MFHAS1: variants seen among roughly 807,000 people sequenced by gnomAD.
MFHAS1 encodes the protein malignant fibrous histiocytoma-amplified sequence 1.
Under a neutral mutation model 70.4 loss-of-function variants are expected in MFHAS1, and 50 were observed. The ratio of observed to expected loss-of-function variants is 0.71; its 90% CI spans 0.57 to 0.90. MFHAS1 has a LOEUF of 0.90. Among genes scored for constraint, MFHAS1 ranks in the 40% least tolerant of loss-of-function variants. The pLI is 0.00. For synonymous variants in MFHAS1, 952 were observed against 620.0 expected (o/e 1.54, Z -7.96); for missense variants, 1,795 against 1,347.6 (o/e 1.33, Z -5.20).
chr8:8,793,364 A>C (rs1334759775), intron 2 of MFHAS1, among the ~76,000 whole-genome samples: 1 of 152,244 alleles, frequency 6.6e-6, no homozygotes, highest in Non-Finnish European at 1.5e-5. Context: ...AGTCAAAGAC[A>C]GGCAGTTAAA....
At chr8:8,813,939 CTTTTT>C (rs902619137) in intron 1 of MFHAS1, among the ~76,000 whole-genome samples, 1 of 138,566 alleles carries the variant, frequency 7.2e-6, no homozygotes, top group Non-Finnish European at 1.6e-5. Flanking sequence ...ACATTTTTAT[CTTTTT>C]TTTTTTTTTT....
At chr8:8,803,535 A>C (rs1415502865) in intron 1 of MFHAS1, among the ~76,000 whole-genome samples, 1 of 151,408 alleles carries the variant, frequency 6.6e-6, no homozygotes, top group Admixed American at 6.6e-5. Context: ...AAAAAAAGAA[A>C]GAAAAAGAAA....
intron 1 of MFHAS1, among the ~76,000 whole-genome samples, chr8:8,867,228 G>A (rs766412401): frequency 2.0e-5 from 3 of 152,114 alleles, no homozygotes; most frequent in Non-Finnish European, 4.4e-5. Flanking sequence ...AAGTCACAAT[G>A]GTCATCAGCA....
At chr8:8,852,038 G>A (rs940299262) in intron 1 of MFHAS1, among the ~76,000 whole-genome samples, 1 of 152,160 alleles carries the variant, frequency 6.6e-6, no homozygotes, top group African/African-American at 2.4e-5. Context: ...ATAGGGAGTG[G>A]GTGGTGGAAT....
At chr8:8,887,069 G>GT (rs1809786506) in intron 1 of MFHAS1, among the ~76,000 whole-genome samples, 1 of 152,172 alleles carries the variant, frequency 6.6e-6, no homozygotes, top group South Asian at 2.1e-4. Context: ...AGAGGTTGCA[G>GT]TGAGTCAAGA....
intron 2 of MFHAS1, among the ~76,000 whole-genome samples, chr8:8,794,874 A>G (rs10105070): frequency 0.11 from 16,914 of 152,246 alleles, 1,224 homozygotes; most frequent in African/African-American, 0.2. Context: ...TTGTTCGTTC[A>G]GGTTCAATAC....
At chr8:8,834,273 A>G (rs1220018542) in intron 1 of MFHAS1, among the ~76,000 whole-genome samples, 2 of 152,346 alleles carry the variant, frequency 1.3e-5, no homozygotes, top group African/African-American at 4.8e-5. Flanking sequence ...GTGACATCAT[A>G]GCCGCCATAA....
intron 1 of MFHAS1, among the ~76,000 whole-genome samples, chr8:8,814,004 T>C (rs1469302101): frequency 6.6e-6 from 1 of 151,682 alleles, no homozygotes; most frequent in Non-Finnish European, 1.5e-5. Flanking sequence ...AGGGGCATGA[T>C]CTCGGTCACT....
chr8:8,797,560 G>A (rs1805950935), intron 1 of MFHAS1, 69 bp from the exon 2 acceptor site: 1 of 1,531,204 alleles, frequency 6.5e-7, no homozygotes. Flanking sequence ...TACAAAGACA[G>A]CACTGCCCGG....
At chr8:8,798,955 G>A (rs932918935) in intron 1 of MFHAS1, among the ~76,000 whole-genome samples, 1 of 151,992 alleles carries the variant, frequency 6.6e-6, no homozygotes, top group Non-Finnish European at 1.5e-5. Flanking sequence ...GGCTGAGGCA[G>A]GTGAATCGCT....
intron 1 of MFHAS1, among the ~76,000 whole-genome samples, chr8:8,803,270 G>C (rs1339836130): frequency 6.6e-6 from 1 of 152,106 alleles, no homozygotes; most frequent in Non-Finnish European, 1.5e-5. Flanking sequence ...CAGCACTTTG[G>C]GAGGCCGAGG....
intron 1 of MFHAS1, among the ~76,000 whole-genome samples, chr8:8,839,770 G>A (rs925264701): frequency 3.9e-5 from 6 of 151,954 alleles, no homozygotes; most frequent in East Asian, 1.9e-4. Flanking sequence ...CTTGTAACAC[G>A]AGCCCAAAGA....
intron 2 of MFHAS1, chr8:8,790,512 A>T: frequency 2.9e-6 from 1 of 350,812 alleles, no homozygotes; most frequent in Non-Finnish European, 4.0e-6. Flanking sequence ...AATTCCTCCT[A>T]GCTTGTTAAA....
intron 1 of MFHAS1, among the ~76,000 whole-genome samples, chr8:8,863,945 C>T (rs1262488824): frequency 2.6e-5 from 4 of 152,180 alleles, no homozygotes; most frequent in Non-Finnish European, 5.9e-5. Context: ...GACACCAGAC[C>T]CTTCACCCAT....
intron 1 of MFHAS1, among the ~76,000 whole-genome samples, chr8:8,854,064 G>T (rs1221252874): frequency 6.6e-6 from 1 of 152,126 alleles, no homozygotes; most frequent in Non-Finnish European, 1.5e-5. Context: ...AAAATCCTTT[G>T]TAAGTCATGG....
chr8:8,837,008 G>T (rs1807620946), intron 1 of MFHAS1, among the ~76,000 whole-genome samples: 1 of 152,160 alleles, frequency 6.6e-6, no homozygotes, highest in African/African-American at 2.4e-5. Flanking sequence ...GAGATTTTAA[G>T]CATTTTTGTA....
chr8:8,892,405 G>A lies in MFHAS1; in HGVS notation c.654C>T (p.Gly218=), dbSNP rs771051626. The change falls in exon 1 of 3, where the codon GGC becomes GGT. Residue 218 remains glycine, a synonymous_variant. Coordinates refer to ENST00000276282, the MANE Select transcript of MFHAS1 (RefSeq NM_004225.3). The surrounding 1 kb of genome is among the most constrained non-coding windows in gnomAD (Gnocchi z 4.7). ...GCAGGGCACTGATATCCTCAGGCAG[G>A]CCCCGCAGCCGGTTGCTGGACACGT... ...ELDVSSNRLR[G]LPEDISALRA... 3 of 1,612,870 alleles carry A rather than the reference G, an allele frequency of 1.9e-6. No individual in the cohort carries two copies. Among genetic ancestry groups the A allele is most frequent in the East Asian group, 2.2e-5 (1 of 44,842 alleles).
intron 1 of MFHAS1, among the ~76,000 whole-genome samples, chr8:8,867,809 G>A (rs1821008): frequency 0.42 from 64,027 of 151,764 alleles, 14,629 homozygotes; most frequent in East Asian, 0.84. Context: ...GGCCCACCTC[G>A]GCCTCCCAAA....
intron 1 of MFHAS1, among the ~76,000 whole-genome samples, chr8:8,847,162 C>G (rs1229184789): frequency 6.6e-6 from 1 of 152,132 alleles, no homozygotes; most frequent in Non-Finnish European, 1.5e-5. Context: ...CTTGTGTATA[C>G]TCGCTAGTTA....
Sources: gnomAD v4.1 joint callset for allele counts (sites outside exome capture counted in the v4.1 genomes callset) on GRCh38, gnomAD v4.1.1 for gene constraint, Gnocchi (gnomAD v3.1) non-coding constraint, MANE v1.5 for transcripts, NCBI Gene and HGNC (gene_info 2026-07-23, HGNC 2026-07-21) for gene names.